KLRD1: variants seen among roughly 807,000 people sequenced by gnomAD.
KLRD1 encodes killer cell lectin like receptor D1.
In KLRD1, 21 loss-of-function variants were observed where a neutral mutation model predicts 22.6. The observed-to-expected ratio is 0.93, with a 90% CI of 0.66 to 1.34. The LOEUF is 1.34. KLRD1 is among the 40% of genes most tolerant of loss of function. The pLI is 0.00. For synonymous variants in KLRD1, 59 were observed against 71.1 expected (o/e 0.83, Z 0.85); for missense variants, 183 against 208.6 (o/e 0.88, Z 0.76).
intron 1 of KLRD1, among the ~76,000 whole-genome samples, chr12:10,287,657 G>A (rs1203797914): frequency 5.3e-5 from 8 of 152,088 alleles, no homozygotes; most frequent in African/African-American, 1.4e-4. Context: ...ATGGAGAAAC[G>A]AGGAAATAAA....
chr12:10,283,385 G>A (rs938355591), intron 1 of KLRD1, among the ~76,000 whole-genome samples: 2 of 152,172 alleles, frequency 1.3e-5, no homozygotes, highest in Admixed American at 6.5e-5. Flanking sequence ...AGTGAGGAGC[G>A]GAGAGTGGGG....
intron 1 of KLRD1, among the ~76,000 whole-genome samples, chr12:10,241,190 A>G (rs1409449380): frequency 3.3e-5 from 5 of 152,186 alleles, no homozygotes; most frequent in Admixed American, 6.5e-5. Flanking sequence ...GTTTAATTCA[A>G]TCATTCCCTA....
At chr12:10,299,468 T>C (rs1949849384), upstream of KLRD1, among the ~76,000 whole-genome samples, 1 of 152,240 alleles carries the variant, frequency 6.6e-6, no homozygotes, top group Non-Finnish European at 1.5e-5. Flanking sequence ...TCCTAATGTA[T>C]ATAAAAGTTA....
At chr12:10,309,128 A>T (rs556839382) in intron 1 of KLRD1, 13 of 312,568 alleles carry the variant, frequency 4.2e-5, no homozygotes, top group African/African-American at 2.6e-4. Context: ...TTTAAAATAA[A>T]TGGTAAATTC....
chr12:10,274,717 T>A (rs1949577673), intron 1 of KLRD1, among the ~76,000 whole-genome samples: 1 of 152,202 alleles, frequency 6.6e-6, no homozygotes, highest in African/African-American at 2.4e-5. Context: ...TCCAATATAT[T>A]ATTTTGTCTT....
intron 1 of KLRD1, among the ~76,000 whole-genome samples, chr12:10,296,252 C>T (rs934457710): frequency 1.3e-5 from 2 of 152,158 alleles, no homozygotes; most frequent in Non-Finnish European, 2.9e-5. Context: ...CACAGTGGCT[C>T]ATGCCTGTAA....
chr12:10,310,238 G>A lies in KLRD1; in HGVS notation c.163+550G>A, dbSNP rs1950028808. On this transcript the variant is annotated intron_variant, in intron 3 of 5. Coordinates refer to ENST00000336164, the MANE Select transcript of KLRD1 (RefSeq NM_002262.5). ...GTGATTCTCCCACCTTCCTGCCTCA[G>A]CCTCCCAAGTAGCTGGGACTACAGG... is the stretch of plus-strand genomic sequence containing the variant. Among the ~76,000 whole-genome samples, 3 of 152,196 alleles carry A rather than the reference G, an allele frequency of 2.0e-5. No individual in the cohort carries two copies. In the South Asian group the frequency reaches 6.2e-4, roughly 32 times the overall value.
chr12:10,279,226 A>G (rs947601305), intron 1 of KLRD1, among the ~76,000 whole-genome samples: 1 of 152,082 alleles, frequency 6.6e-6, no homozygotes, highest in Non-Finnish European at 1.5e-5. Flanking sequence ...GCTCCCACTT[A>G]TAAGTGAGAA....
At position 10,317,671 on chromosome 12, in the gene KLRD1, CT is replaced by C. The variant is rs1174963596; in HGVS notation, c.*2882del. 2 of 152,204 alleles carry C rather than the reference CT, an allele frequency of 1.3e-5. No individual in the cohort carries two copies. Among genetic ancestry groups the C allele is most frequent in the Non-Finnish European group, 2.9e-5 (2 of 68,046 alleles). The allele number at this position is 152,204 out of a possible 1,614,324, so 9.4% of individuals were successfully genotyped here. A position where few individuals can be genotyped will look rare whatever the true frequency, so the allele number is the denominator to read the frequency against. On this transcript the variant is annotated 3_prime_UTR_variant, in exon 6 of 6. Transcript: ENST00000336164. ...TTACCTACAGCTGTCTTGGTAAATTCTTTTACCTCAATGCCACCGGCCCAGG... is the reference window on the plus strand; with the variant it reads ...TTACCTACAGCTGTCTTGGTAAATTCTTTACCTCAATGCCACCGGCCCAGG...
chr12:10,277,760 C>T (rs1243203947), intron 1 of KLRD1, among the ~76,000 whole-genome samples: 1 of 152,100 alleles, frequency 6.6e-6, no homozygotes, highest in Non-Finnish European at 1.5e-5. Context: ...ATTAGTCCCT[C>T]TGATTTTTAA....
At position 10,325,229 on chromosome 12, in the gene KLRD1, T is replaced by C. The variant is rs1950350220; in HGVS notation, c.*10436T>C. The C allele has an allele frequency of 6.6e-6, 1 of 152,166 alleles. No homozygotes were observed. The highest frequency in any genetic ancestry group is 6.5e-5 in the Admixed American group (1 of 15,272). 9.4% of individuals were successfully genotyped at this position (152,166 alleles called of 1,614,324 possible). A position where few individuals can be genotyped will look rare whatever the true frequency, so the allele number is the denominator to read the frequency against. On this transcript the variant is annotated 3_prime_UTR_variant, in exon 6 of 6. Transcript: ENST00000336164. The stretch of plus-strand genomic sequence containing the variant: ...TTTTATAAGGAGTACATATGACATA[T>C]GCTTTTATTAAATGTTTTATTCTGC...
intron 1 of KLRD1, among the ~76,000 whole-genome samples, chr12:10,250,201 CTTTTTTTTTT>C (rs137861212): frequency 2.1e-5 from 2 of 94,566 alleles, no homozygotes; most frequent in Non-Finnish European, 4.0e-5. Flanking sequence ...TAACGTTTTG[CTTTTTTTTTT>C]TTTTTTTTTT....
chr12:10,246,070 G>A (rs893008824), intron 1 of KLRD1, among the ~76,000 whole-genome samples: 2 of 152,142 alleles, frequency 1.3e-5, no homozygotes, highest in African/African-American at 4.8e-5. Flanking sequence ...TCTCATGATA[G>A]CATTTTCATT....
At chr12:10,290,279 C>T (rs1432856428) in intron 1 of KLRD1, among the ~76,000 whole-genome samples, 5 of 152,250 alleles carry the variant, frequency 3.3e-5, no homozygotes, top group Admixed American at 6.5e-5. Flanking sequence ...ATTGTAGCTA[C>T]GAAATGGTCA....
intron 1 of KLRD1, among the ~76,000 whole-genome samples, chr12:10,259,338 A>C (rs1178693404): frequency 6.6e-6 from 1 of 152,150 alleles, no homozygotes; most frequent in Non-Finnish European, 1.5e-5. Flanking sequence ...TATGTAGAAT[A>C]TTTTGTTATT....
At chr12:10,305,034 C>T (rs1175804499), upstream of KLRD1, among the ~76,000 whole-genome samples, 2 of 152,124 alleles carry the variant, frequency 1.3e-5, no homozygotes, top group Non-Finnish European at 2.9e-5. Flanking sequence ...AGAACGTATA[C>T]TGTTATTTTG....
intron 1 of KLRD1, among the ~76,000 whole-genome samples, chr12:10,286,395 C>G (rs1364430689): frequency 6.6e-6 from 1 of 152,146 alleles, no homozygotes; most frequent in Admixed American, 6.5e-5. Context: ...ATACATTAAA[C>G]CATTCTCAGA....
In KLRD1 at chr12:10,239,577, TTCTTTCTTTTTCTTTCTTTCTTTCTC is replaced by T. The variant is rs1565443509; in HGVS notation, c.-101+13348_-101+13373del. 1.6e-4 allele frequency among the ~76,000 whole-genome samples: 23 copies of T among 143,986 alleles called. 1 individual carries two copies. Among genetic ancestry groups the T allele is most frequent in the African/African-American group, 5.2e-4 (19 of 36,304 alleles). The allele number at this position is 143,986 out of a possible 152,430, so 94.5% of individuals were successfully genotyped here. A position where few individuals can be genotyped will look rare whatever the true frequency, so the allele number is the denominator to read the frequency against. On this transcript the variant is annotated intron_variant, in intron 1 of 5. Coordinates refer to the KLRD1 transcript ENST00000544747. ...TTTCTTTCTTTCTTTCTTTCTTTCT[TTCTTTCTTTTTCTTTCTTTCTTTCTC>T]TCTCTTTCTTTCTTCTTTTCTCTTT...
chr12:10,283,921 A>G (rs1949671384), intron 1 of KLRD1, among the ~76,000 whole-genome samples: 1 of 151,982 alleles, frequency 6.6e-6, no homozygotes, highest in South Asian at 2.1e-4. Flanking sequence ...CATGCCTGTA[A>G]TCCCAACACT....
Sources: gnomAD v4.1 joint callset for allele counts (sites outside exome capture counted in the v4.1 genomes callset) on GRCh38, gnomAD v4.1.1 for gene constraint, MANE v1.5 for transcripts, NCBI Gene and HGNC (gene_info 2026-07-23, HGNC 2026-07-21) for gene names.